The following C12orf42 variants were observed in gnomAD, a reference collection of about 807,000 sequenced individuals.
C12orf42 encodes uncharacterized protein C12orf42.
C12orf42 carries 25 observed loss-of-function variants against 21.6 expected under a neutral mutation model. That is an observed-to-expected ratio of 1.16 (90% CI 0.84 to 1.62). The LOEUF is 1.62. C12orf42 is among the 40% of genes most tolerant of loss of function. The pLI is 0.00. For synonymous variants in C12orf42, 174 were observed against 175.0 expected (o/e 0.99, Z 0.05); for missense variants, 483 against 459.3 (o/e 1.05, Z -0.47).
At chr12:103,362,084 A>G (rs557980009) in intron 4 of C12orf42, among the ~76,000 whole-genome samples, 2 of 152,252 alleles carry the variant, frequency 1.3e-5, no homozygotes, top group African/African-American at 4.8e-5. Flanking sequence ...ACCAAAATTA[A>G]GGATTCTCAC....
At chr12:103,503,193 G>A in the C12orf42 span, among the ~76,000 whole-genome samples, 446 of 152,250 alleles carry the variant, frequency 2.9e-3, 4 homozygotes, top group African/African-American at 9.9e-3. Context: ...GGAAACTGTG[G>A]GTGCTTACAA....
At chr12:103,346,818 G>T (rs1018205146) in intron 4 of C12orf42, among the ~76,000 whole-genome samples, 1 of 152,162 alleles carries the variant, frequency 6.6e-6, no homozygotes, top group African/African-American at 2.4e-5. Context: ...CAGAACTGCA[G>T]GTTGAAGCAA....
At chr12:103,497,668 G>A (rs946793854), upstream of C12orf42, among the ~76,000 whole-genome samples, 1 of 152,148 alleles carries the variant, frequency 6.6e-6, no homozygotes, top group African/African-American at 2.4e-5. Flanking sequence ...TACCTATCAC[G>A]TGTCAGGCAA....
chr12:103,205,864 G>A, the C12orf42 span, among the ~76,000 whole-genome samples: 1 of 152,242 alleles, frequency 6.6e-6, no homozygotes, highest in East Asian at 1.9e-4. Context: ...CAAACCAGAT[G>A]TTTAAAACAT....
At chr12:103,093,895 T>C in the C12orf42 span, among the ~76,000 whole-genome samples, 3 of 152,308 alleles carry the variant, frequency 2.0e-5, no homozygotes, top group East Asian at 5.8e-4. Context: ...GTCGGCAGCC[T>C]CCTTTCACTG....
At chr12:103,285,953 TAAATG>T (rs1034629712) in intron 4 of C12orf42, among the ~76,000 whole-genome samples, 40 of 152,020 alleles carry the variant, frequency 2.6e-4, no homozygotes, top group Non-Finnish European at 8.8e-5. Context: ...CTGAAAAAAA[TAAATG>T]AATGAGGCCG....
At chr12:103,327,739 A>G (rs2136993642) in intron 4 of C12orf42, among the ~76,000 whole-genome samples, 1 of 152,368 alleles carries the variant, frequency 6.6e-6, no homozygotes, top group East Asian at 1.9e-4. Context: ...GGAGTATGCA[A>G]GCCATATTGT....
At chr12:103,379,891 T>C (rs979729120) in intron 3 of C12orf42, among the ~76,000 whole-genome samples, 2 of 152,224 alleles carry the variant, frequency 1.3e-5, no homozygotes, top group African/African-American at 4.8e-5. Flanking sequence ...GTAGCATTGT[T>C]CGAGCACCAT....
the C12orf42 span, among the ~76,000 whole-genome samples, chr12:103,198,953 G>A: frequency 3.3e-5 from 5 of 152,162 alleles, no homozygotes; most frequent in Admixed American, 6.5e-5. Flanking sequence ...TGCTCCAATA[G>A]CAATTTTTAG....
intron 2 of C12orf42, among the ~76,000 whole-genome samples, chr12:103,447,717 G>T (rs1951667659): frequency 2.6e-5 from 4 of 151,530 alleles, no homozygotes; most frequent in Admixed American, 6.6e-5. Context: ...ATAATAAAAT[G>T]CTTAGGAATA....
chr12:103,302,430 G>A lies in C12orf42; in HGVS notation c.761C>T (p.Ala254Val). The change falls in exon 6 of 6, where the codon GCT (alanine) becomes GTT (valine). Residue 254 changes from alanine to valine, a missense_variant. Ala to Val is a moderately conservative substitution (Grantham distance 64). Coordinates refer to ENST00000548883, the MANE Select transcript of C12orf42 (RefSeq NM_198521.5). ...TTGGATGTCGTCGGGGTGTGCCTGAGCGCCTGCTGGGACTGCCATCCTCTC... is the reference window on the plus strand; with the variant it reads ...TTGGATGTCGTCGGGGTGTGCCTGAACGCCTGCTGGGACTGCCATCCTCTC... ...PEERMAVPAG[A>V]QAHPDDIQSR... 1 of 1,613,874 alleles carries A rather than the reference G, an allele frequency of 6.2e-7. No homozygotes were observed. Among genetic ancestry groups the A allele is most frequent in the Non-Finnish European group, 8.5e-7 (1 of 1,179,864 alleles).
the C12orf42 span, among the ~76,000 whole-genome samples, chr12:103,186,953 A>G: frequency 1.3e-5 from 2 of 152,138 alleles, no homozygotes; most frequent in African/African-American, 4.8e-5. Flanking sequence ...TCATTTGTTC[A>G]TTTGTATTTC....
downstream of C12orf42, among the ~76,000 whole-genome samples, chr12:103,264,278 C>T (rs534339478): frequency 2.0e-5 from 3 of 152,212 alleles, no homozygotes; most frequent in African/African-American, 4.8e-5. Context: ...GGCTGTAAAA[C>T]AAATTCTGTC....
intron 2 of C12orf42, among the ~76,000 whole-genome samples, chr12:103,439,102 A>C (rs1387671390): frequency 1.2e-4 from 18 of 152,010 alleles, no homozygotes; most frequent in African/African-American, 3.6e-4. Context: ...GAAATAATGC[A>C]GCATATCTAC....
chr12:103,483,371 C>T (rs1392185027), intron 1 of C12orf42, among the ~76,000 whole-genome samples: 2 of 152,086 alleles, frequency 1.3e-5, no homozygotes, highest in East Asian at 3.9e-4. Context: ...TAAAACAGCT[C>T]TAAAAAAATA....
chr12:103,397,108 A>T (rs2047600441), intron 3 of C12orf42, among the ~76,000 whole-genome samples: 2 of 152,200 alleles, frequency 1.3e-5, no homozygotes, highest in African/African-American at 4.8e-5. Flanking sequence ...CTTACCAAAC[A>T]TGTAAGTAAT....
chr12:103,343,774 C>CAAA (rs397747722), intron 4 of C12orf42, among the ~76,000 whole-genome samples: 1 of 62,878 alleles, frequency 1.6e-5, no homozygotes, highest in Non-Finnish European at 3.6e-5. Context: ...AACTCTGTCA[C>CAAA]AAAAAAAAAA....
chr12:103,413,967 T>C (rs2049074561), intron 2 of C12orf42, among the ~76,000 whole-genome samples: 1 of 152,128 alleles, frequency 6.6e-6, no homozygotes, highest in African/African-American at 2.4e-5. Flanking sequence ...GCTATAAACA[T>C]GCATGTGAAA....
chr12:103,185,597 C>G, the C12orf42 span, among the ~76,000 whole-genome samples: 2 of 151,994 alleles, frequency 1.3e-5, no homozygotes, highest in Non-Finnish European at 2.9e-5. Flanking sequence ...ATGTTCCCAC[C>G]CAGATCTCAT....
Sources: gnomAD v4.1 joint callset for allele counts (sites outside exome capture counted in the v4.1 genomes callset) on GRCh38, gnomAD v4.1.1 for gene constraint, MANE v1.5 for transcripts, NCBI Gene and HGNC (gene_info 2026-07-23, HGNC 2026-07-21) for gene names.